NECAB1: variants seen among roughly 807,000 people sequenced by gnomAD.
NECAB1 encodes N-terminal EF-hand calcium-binding protein 1.
NECAB1 carries 29 observed loss-of-function variants against 57.5 expected under a neutral mutation model. The ratio of observed to expected loss-of-function variants is 0.50; its 90% CI spans 0.38 to 0.69. NECAB1 has a LOEUF of 0.69. NECAB1 is among the 30% of genes least tolerant of loss of function. The probability of loss-of-function intolerance (pLI) is 0.00; values close to 1 mark genes in which losing one functional copy is unlikely to be tolerated. For synonymous variants in NECAB1, 142 were observed against 147.7 expected (o/e 0.96, Z 0.28); for missense variants, 372 against 413.8 (o/e 0.90, Z 0.88).
At chr8:90,910,502 A>G (rs983973843) in intron 5 of NECAB1, among the ~76,000 whole-genome samples, 4 of 152,106 alleles carry the variant, frequency 2.6e-5, no homozygotes, top group African/African-American at 9.7e-5. Flanking sequence ...AAAATAAGGC[A>G]GCTTTTCTTC....
intron 3 of NECAB1, among the ~76,000 whole-genome samples, chr8:90,832,965 T>C (rs1812316391): frequency 6.6e-6 from 1 of 152,178 alleles, no homozygotes; most frequent in Non-Finnish European, 1.5e-5. Flanking sequence ...GATAAAAAGA[T>C]GGTTAATTCT....
Position 90,958,797 on chromosome 8 carries a change from C to T in NECAB1, c.*3285C>T, listed in dbSNP as rs1811079259. ...AAATTCCTACTTTCCAGTGTTACTT[C>T]CCAATTTATGCAGGAAACCTCCTGC... On this transcript the variant is annotated 3_prime_UTR_variant, in exon 13 of 13. Coordinates refer to ENST00000417640, the MANE Select transcript of NECAB1 (RefSeq NM_022351.5). 1.2e-5 allele frequency: 5 copies of T among 411,388 alleles called. No homozygotes were observed. The South Asian group carries it at 1.6e-4, about 13-fold the overall frequency. The allele number at this position is 411,388 out of a possible 1,614,324, so 25.5% of individuals were successfully genotyped here. A position where few individuals can be genotyped will look rare whatever the true frequency, so the allele number is the denominator to read the frequency against.
At position 90,928,303 on chromosome 8, in the gene NECAB1, G is replaced by C. The variant is rs1453946526; in HGVS notation, c.693+4G>C. On this transcript the variant is annotated splice_donor_region_variant and intron_variant, in intron 8 of 12. Coordinates refer to ENST00000417640, the MANE Select transcript of NECAB1 (RefSeq NM_022351.5). The stretch of plus-strand genomic sequence containing the variant: ...AATTGATAGACTGGAAAAGAAGGTA[G>C]GTGCTTTCTTTTCTTTATTCTCTCT... 6.3e-7 allele frequency: 1 copy of C among 1,593,096 alleles called. No homozygotes were observed. Among genetic ancestry groups the C allele is most frequent in the Non-Finnish European group, 8.6e-7 (1 of 1,168,300 alleles).
intron 12 of NECAB1, 22 bp downstream of exon 12, chr8:90,951,226 T>G: frequency 7.2e-7 from 1 of 1,393,676 alleles, no homozygotes; most frequent in East Asian, 2.4e-5. Context: ...GGGTTTACAA[T>G]GCTTCTGTGT....
intron 3 of NECAB1, among the ~76,000 whole-genome samples, chr8:90,849,528 G>A (rs1157696163): frequency 1.2e-5 from 1 of 81,882 alleles, no homozygotes; most frequent in African/African-American, 4.9e-5. Context: ...CTACTCATTT[G>A]TTCTATAGTT....
At chr8:90,843,407 A>T (rs1275864374) in intron 3 of NECAB1, among the ~76,000 whole-genome samples, 1 of 152,234 alleles carries the variant, frequency 6.6e-6, no homozygotes, top group East Asian at 1.9e-4. Flanking sequence ...AAGAAAGAGA[A>T]GGATCTTTTT....
At chr8:90,922,370 T>G (rs1810135867) in intron 6 of NECAB1, among the ~76,000 whole-genome samples, 1 of 152,102 alleles carries the variant, frequency 6.6e-6, no homozygotes, top group African/African-American at 2.4e-5. Context: ...AAAGCTTTAA[T>G]TTCACAAACA....
chr8:90,881,451 G>C (rs1180705039), intron 5 of NECAB1, among the ~76,000 whole-genome samples: 1 of 152,184 alleles, frequency 6.6e-6, no homozygotes, highest in Non-Finnish European at 1.5e-5. Flanking sequence ...GTAATCCCCA[G>C]TGCTGGAGGT....
chr8:90,854,095 G>A (rs2129786522), intron 3 of NECAB1, among the ~76,000 whole-genome samples: 1 of 152,228 alleles, frequency 6.6e-6, no homozygotes. Flanking sequence ...CCTGACAAAG[G>A]AACTCAGATA....
intron 3 of NECAB1, among the ~76,000 whole-genome samples, chr8:90,852,945 A>T (rs1812713653): frequency 6.6e-6 from 1 of 152,212 alleles, no homozygotes; most frequent in Non-Finnish European, 1.5e-5. Flanking sequence ...GCCCTCGCTG[A>T]TGGAGGGCAG....
chr8:90,820,214 G>A lies in NECAB1; in HGVS notation c.125-4503G>A, dbSNP rs9297888. ...CCTGACTTCAGTTGTCCAATGAATC[G>A]AAGAAAAGTCATTGAATTTCAGGTT... On this transcript the variant is annotated intron_variant, in intron 2 of 12. Coordinates refer to ENST00000417640, the MANE Select transcript of NECAB1 (RefSeq NM_022351.5). Among the ~76,000 whole-genome samples, 929 of 151,922 alleles carry A rather than the reference G, an allele frequency of 6.1e-3. 6 individuals carry two copies. Among genetic ancestry groups the A allele is most frequent in the African/African-American group, 0.021 (864 of 41,458 alleles).
intron 5 of NECAB1, among the ~76,000 whole-genome samples, chr8:90,893,332 A>G (rs2129968417): frequency 6.6e-6 from 1 of 152,202 alleles, no homozygotes; most frequent in South Asian, 2.1e-4. Flanking sequence ...CTGTCATCCC[A>G]ACTGTCTTGA....
chr8:90,906,897 A>ATATATATATGTATG lies in NECAB1; in HGVS notation c.358-10586_358-10585insGTATGTATATATAT, dbSNP rs1554574089. On this transcript the variant is annotated intron_variant, in intron 5 of 12. Transcript: ENST00000417640. ...TACACATATATATATATATATATAT[A>ATATATATATGTATG]TATATATATATATCTTCTCACTTTA... Among the ~76,000 whole-genome samples the ATATATATATGTATG allele has an allele frequency of 9.3e-5, 13 of 140,276 alleles. 1 individual carries two copies. The highest frequency in any genetic ancestry group is 3.5e-4 in the African/African-American group (13 of 36,662). The allele number at this position is 140,276 out of a possible 152,430, so 92.0% of individuals were successfully genotyped here.
chr8:90,826,052 G>A (rs927291171), intron 3 of NECAB1, among the ~76,000 whole-genome samples: 1 of 151,752 alleles, frequency 6.6e-6, no homozygotes, highest in Non-Finnish European at 1.5e-5. Context: ...AATTTTTTAG[G>A]CTCGGGGAAT....
chr8:90,922,501 T>C (rs1810144641), intron 6 of NECAB1, among the ~76,000 whole-genome samples: 1 of 135,424 alleles, frequency 7.4e-6, no homozygotes, highest in Non-Finnish European at 1.6e-5. Flanking sequence ...TTTTTTTTTT[T>C]TTTTTTTTTG....
At chr8:90,848,813 T>C (rs1161789826) in intron 3 of NECAB1, among the ~76,000 whole-genome samples, 1 of 151,990 alleles carries the variant, frequency 6.6e-6, no homozygotes, top group Non-Finnish European at 1.5e-5. Flanking sequence ...GGTGAAACCC[T>C]GTCTCTACTA....
chr8:90,838,569 C>T (rs919560155), intron 3 of NECAB1, among the ~76,000 whole-genome samples: 3 of 152,160 alleles, frequency 2.0e-5, no homozygotes, highest in Non-Finnish European at 4.4e-5. Context: ...CACAGTCACT[C>T]AGCCTGGAAC....
intron 10 of NECAB1, among the ~76,000 whole-genome samples, chr8:90,948,925 C>T (rs570476098): frequency 2.0e-5 from 3 of 152,264 alleles, no homozygotes; most frequent in Middle Eastern, 3.4e-3. Flanking sequence ...GGATTAAATT[C>T]GCAGTCACCT....
rs1259702724 is a variant in NECAB1, at chr8:90,949,813, T to C, written c.867T>C (p.Ser289=). Residue 289 remains serine, a synonymous_variant, in exon 11 of 13, where the codon TCT becomes TCC. Transcript: ENST00000417640. ...ASSQSGCLRI[S]IQKLSNESRY... is the part of the protein sequence containing the mutation. ...CTTTTATTTTCCATTTCAGTATTTC[T>C]ATACAGAAGCTTTCAAATGAATCTC... 4 of 1,595,822 alleles carry C rather than the reference T, an allele frequency of 2.5e-6. No individual in the cohort carries two copies. Among genetic ancestry groups the C allele is most frequent in the Admixed American group, 1.7e-5 (1 of 59,192 alleles).
Sources: allele counts gnomAD v4.1 joint callset (sites outside exome capture counted in the v4.1 genomes callset), GRCh38; gene constraint gnomAD v4.1.1; transcripts MANE v1.5; gene names NCBI Gene and HGNC (gene_info 2026-07-23, HGNC 2026-07-21).